Variants in RIC1 observed in about 807,000 individuals in gnomAD.
RIC1 encodes the protein guanine nucleotide exchange factor subunit RIC1.
A neutral mutation model predicts 169.0 loss-of-function variants in RIC1; 88 were observed. The observed-to-expected ratio is 0.52, with a 90% confidence interval of 0.44 to 0.62. RIC1 has a LOEUF of 0.62. Ranked by LOEUF, RIC1 falls within the 20% of genes least tolerant of loss-of-function variation. The pLI, the probability that RIC1 is intolerant of heterozygous loss-of-function variation, is 0.00. For synonymous variants in RIC1, 790 were observed against 601.5 expected (o/e 1.31, Z -4.59); for missense variants, 1,877 against 1,725.5 (o/e 1.09, Z -1.56).
chr9:5,666,056 C>T (rs1481362803), intron 2 of RIC1, among the ~76,000 whole-genome samples: 1 of 152,126 alleles, frequency 6.6e-6, no homozygotes, highest in Non-Finnish European at 1.5e-5. Context: ...AGTGTGGCAG[C>T]CTACCCCACC....
In RIC1 at chr9:5,769,287, G is replaced by C. The variant is rs373084735; in HGVS notation, c.3424+31G>C. On this transcript the variant is annotated intron_variant, in intron 22 of 25. Transcript: ENST00000414202. ...GTAGACTTCATGTCACTTGTACAAG[G>C]AGAATTGTATTTTACTCCGTGTATT... The C allele has an allele frequency of 5.6e-6, 9 of 1,613,724 alleles. No individual in the cohort carries two copies. The African/African-American group carries it at 8.0e-5, about 14-fold the overall frequency.
At chr9:5,770,577 T>C (rs1174297762) in intron 23 of RIC1, among the ~76,000 whole-genome samples, 5 of 152,240 alleles carry the variant, frequency 3.3e-5, no homozygotes, top group Non-Finnish European at 7.3e-5. Context: ...CAAAATGTTA[T>C]CCTCATATAA....
Position 5,668,278 on chromosome 9 carries a change from G to T in RIC1, c.252+11588G>T, listed in dbSNP as rs188311748. 3.8e-3 allele frequency among the ~76,000 whole-genome samples: 577 copies of T among 152,302 alleles called. 1 individual carries two copies. Among genetic ancestry groups the T allele is most frequent in the African/African-American group, 0.014 (563 of 41,558 alleles). Reference sequence around the variant, plus strand: ...GAACTACAATTCAAGATGAAATTTGGTTGGGGACACAGCCAAACCATATCA... The same window carrying T: ...GAACTACAATTCAAGATGAAATTTGTTTGGGGACACAGCCAAACCATATCA... On this transcript the variant is annotated intron_variant, in intron 2 of 25. Coordinates refer to ENST00000414202, the MANE Select transcript of RIC1 (RefSeq NM_020829.4).
chr9:5,744,410 G>C (rs1480490436), intron 10 of RIC1, among the ~76,000 whole-genome samples: 1 of 152,104 alleles, frequency 6.6e-6, no homozygotes, highest in African/African-American at 2.4e-5. Flanking sequence ...ATGTCAAAGA[G>C]AATTATGGTC....
At position 5,698,598 on chromosome 9, in the gene RIC1, A is replaced by G. The variant is rs938103518; in HGVS notation, c.332+8560A>G. ...CTTAGACTTGCTATTGATACCTCAG[A>G]TAAATATCCAGCAGTTTAGAGATGT... is the stretch of plus-strand genomic sequence containing the variant. On this transcript the variant is annotated intron_variant, in intron 3 of 25. Transcript: ENST00000414202. 5.3e-5 allele frequency among the ~76,000 whole-genome samples: 8 copies of G among 152,196 alleles called. No individual in the cohort carries two copies. In the South Asian group the frequency reaches 1.0e-3, roughly 20 times the overall value.
chr9:5,735,445 T>C (rs1342843180), intron 7 of RIC1, among the ~76,000 whole-genome samples: 1 of 152,194 alleles, frequency 6.6e-6, no homozygotes, highest in Non-Finnish European at 1.5e-5. Context: ...GCTATGGGCT[T>C]ATAAGCTACA....
chr9:5,665,625 G>A (rs1042393542), intron 2 of RIC1, among the ~76,000 whole-genome samples: 2 of 152,222 alleles, frequency 1.3e-5, no homozygotes, highest in Non-Finnish European at 1.5e-5. Context: ...GGGGTTTTTT[G>A]TAGGGTCTTT....
intron 3 of RIC1, among the ~76,000 whole-genome samples, chr9:5,705,886 A>G (rs1010461048): frequency 1.3e-5 from 2 of 152,156 alleles, no homozygotes; most frequent in Non-Finnish European, 2.9e-5. Flanking sequence ...CTTTTTCTGC[A>G]TGAATTGAAA....
At chr9:5,674,409 T>C (rs1400884275) in intron 2 of RIC1, among the ~76,000 whole-genome samples, 1 of 152,196 alleles carries the variant, frequency 6.6e-6, no homozygotes, top group Admixed American at 6.5e-5. Flanking sequence ...ATATATTTAA[T>C]ATAAGCCAGA....
At position 5,730,992 on chromosome 9, in the gene RIC1, G is replaced by C. The variant is rs1207637318; in HGVS notation, c.721-1396G>C. 2.0e-5 allele frequency among the ~76,000 whole-genome samples: 3 copies of C among 152,158 alleles called. No individual in the cohort carries two copies. The East Asian group carries it at 5.8e-4, about 29-fold the overall frequency. ...CTCCTACATTAGGGCTTTTACACTT[G>C]TTTTATTTCTTTGAGGACTTTCCTC... On this transcript the variant is annotated intron_variant, in intron 6 of 25. Transcript: ENST00000414202.
At chr9:5,682,518 C>T (rs1820917440) in intron 2 of RIC1, among the ~76,000 whole-genome samples, 1 of 152,100 alleles carries the variant, frequency 6.6e-6, no homozygotes, top group African/African-American at 2.4e-5. Context: ...GAGTTTCTGC[C>T]AAGAGATCGG....
chr9:5,636,867 A>C (rs1037428725), intron 1 of RIC1, among the ~76,000 whole-genome samples: 1 of 152,194 alleles, frequency 6.6e-6, no homozygotes, highest in Admixed American at 6.5e-5. Context: ...CTAGATTATA[A>C]GTTTCTGGAG....
rs1196088821 is a variant in RIC1 at position 5,773,089 on chromosome 9, T to C, written c.3983+9T>C. On this transcript the variant is annotated intron_variant, in intron 25 of 25. Transcript: ENST00000414202. ...TGGGCCTCTACAGACTGGTAAGTGC[T>C]GCTTTCCTTAGGCTTGGTGTCCTTC... 6.4e-7 allele frequency: 1 copy of C among 1,572,400 alleles called. No individual in the cohort carries two copies.
intron 4 of RIC1, among the ~76,000 whole-genome samples, chr9:5,718,836 T>G (rs1192319472): frequency 5.3e-5 from 8 of 152,238 alleles, no homozygotes; most frequent in Admixed American, 5.2e-4. Context: ...AACATCTGTT[T>G]CTGATCTTTT....
At chr9:5,700,481 T>C (rs1036101483) in intron 3 of RIC1, among the ~76,000 whole-genome samples, 1 of 152,112 alleles carries the variant, frequency 6.6e-6, no homozygotes, top group African/African-American at 2.4e-5. Flanking sequence ...AAGTTCCATC[T>C]ACAAATCTTA....
chr9:5,727,870 C>T (rs546462960), intron 6 of RIC1, among the ~76,000 whole-genome samples: 5 of 152,338 alleles, frequency 3.3e-5, no homozygotes, highest in Admixed American at 1.3e-4. Flanking sequence ...TATTGCAGAA[C>T]GGCAAATGTT....
chr9:5,682,784 T>G (rs1820936504), intron 2 of RIC1, among the ~76,000 whole-genome samples: 1 of 152,226 alleles, frequency 6.6e-6, no homozygotes, highest in Non-Finnish European at 1.5e-5. Flanking sequence ...TCCCCGTCAC[T>G]TTCAGGTCAG....
rs1279365825 is a variant in RIC1 at position 5,680,874 on chromosome 9, T to G, written c.253-9085T>G. On this transcript the variant is annotated intron_variant, in intron 2 of 25. Transcript: ENST00000414202. ...CGGAGTCTCGCTCTGTCGCCCAGGC[T>G]GGAGTGCAGTGGCGCGATCTCGGCT... Among the ~76,000 whole-genome samples the G allele has an allele frequency of 2.4e-5, 3 of 127,530 alleles. No individual in the cohort carries two copies. In the East Asian group the frequency reaches 8.1e-4, roughly 34 times the overall value. 83.7% of individuals were successfully genotyped at this position (127,530 alleles called of 152,430 possible).
chr9:5,774,088 C>T lies in RIC1; in HGVS notation c.4114C>T (p.Pro1372Ser), dbSNP rs897528541. ...TMGKTPEQTS[P>S]RAEESRGSSS... ...GGGTAAGACTCCAGAACAGACTAGC[C>T]CCCGGGCAGAGGAGAGCAGGGGCTC... is the stretch of plus-strand genomic sequence containing the variant. The change falls in exon 26 of 26, where the codon CCC becomes TCC. Residue 1372 changes from proline to serine, a missense_variant. Around this residue, in one of 3 missense-constraint regions of RIC1, gnomAD observed 681 missense variants for 582.0 expected, o/e 1.17. Transcript: ENST00000414202. 9.3e-6 allele frequency: 15 copies of T among 1,613,912 alleles called. No homozygotes were observed. Among genetic ancestry groups the T allele is most frequent in the East Asian group, 4.5e-5 (2 of 44,894 alleles).
Sources: allele counts gnomAD v4.1 joint callset (sites outside exome capture counted in the v4.1 genomes callset), GRCh38; gene constraint gnomAD v4.1.1; regional missense constraint gnomAD v4.1.1; transcripts MANE v1.5; gene names NCBI Gene and HGNC (gene_info 2026-07-23, HGNC 2026-07-21).